AFAP1: variants seen among roughly 807,000 people sequenced by gnomAD.
AFAP1 encodes actin filament associated protein 1.
Under a neutral mutation model 93.9 loss-of-function variants are expected in AFAP1, and 75 were observed. That is an observed-to-expected ratio of 0.80 (90% CI 0.66 to 0.97). AFAP1 has a LOEUF of 0.97. AFAP1 is among the 50% of genes least tolerant of loss of function. AFAP1 has a pLI of 0.00. For missense variants in AFAP1, 1,201 were observed against 1,050.8 expected (o/e 1.14, Z -1.98); for synonymous variants, 517 against 430.7 (o/e 1.20, Z -2.48).
At chr4:7,932,147 A>G (rs6841649) in intron 1 of AFAP1, among the ~76,000 whole-genome samples, 3,752 of 152,010 alleles carry the variant, frequency 0.025, 146 homozygotes, top group African/African-American at 0.084. Flanking sequence ...GTGAGCCACC[A>G]CGCCTGGCCC....
chr4:7,778,857 G>C lies in AFAP1; in HGVS notation c.1802C>G (p.Pro601Arg). ...LNSQLKGKKP[P>R]VASNGVTGKG... ...TCCTGTGACCCCATTAGACGCCACG[G>C]GGGGCTTTTTACCCTTGAGCTGTTG... Residue 601 changes from proline to arginine, a missense_variant, in exon 14 of 18, where the codon CCC (proline) becomes CGC (arginine). Coordinates refer to ENST00000420658, the MANE Select transcript of AFAP1 (RefSeq NM_001134647.2). 1 of 1,613,644 alleles carries C rather than the reference G, an allele frequency of 6.2e-7. No homozygotes were observed. Among genetic ancestry groups the C allele is most frequent in the Admixed American group, 1.7e-5 (1 of 60,020 alleles).
At chr4:7,843,059 T>C in intron 5 of AFAP1, 80 bp downstream of exon 5, 1 of 1,471,294 alleles carries the variant, frequency 6.8e-7, no homozygotes. Flanking sequence ...CAGCTGATGT[T>C]AATGGTGACT....
chr4:7,933,740 A>G (rs918124130), intron 1 of AFAP1, among the ~76,000 whole-genome samples: 5 of 152,168 alleles, frequency 3.3e-5, no homozygotes, highest in African/African-American at 7.2e-5. Context: ...ACAGCCCCCA[A>G]CAGATGGCCA....
rs1278526672 is a variant in AFAP1, at chr4:7,800,328, G to A, written c.1266+114C>T. On this transcript the variant is annotated intron_variant, in intron 10 of 17. Coordinates refer to ENST00000420658, the MANE Select transcript of AFAP1 (RefSeq NM_001134647.2). ...GAGAAAAGAGGGTGGGCCCAAAAGA[G>A]GTACTGTCAGCGAGATGGGAGGAAT... The A allele has an allele frequency of 7.5e-6, 8 of 1,073,082 alleles. No homozygotes were observed. In the South Asian group the frequency reaches 8.6e-5, roughly 12 times the overall value. The allele number at this position is 1,073,082 out of a possible 1,614,324, so 66.5% of individuals were successfully genotyped here.
At chr4:7,897,057 A>G (rs1459924847) in intron 1 of AFAP1, among the ~76,000 whole-genome samples, 1 of 151,602 alleles carries the variant, frequency 6.6e-6, no homozygotes, top group African/African-American at 2.4e-5. Flanking sequence ...TCCTAATTCT[A>G]TCCACTCCCA....
chr4:7,777,333 G>A (rs539704165), intron 14 of AFAP1: 1 of 152,352 alleles, frequency 6.6e-6, no homozygotes, highest in South Asian at 2.1e-4. Context: ...AACCTATCTG[G>A]TCAACACGTA....
chr4:7,802,968 C>T (rs1363767918), intron 9 of AFAP1, among the ~76,000 whole-genome samples: 3 of 152,190 alleles, frequency 2.0e-5, no homozygotes, highest in Non-Finnish European at 2.9e-5. Flanking sequence ...GAAACCTCTA[C>T]TTAAAAAGAG....
intron 6 of AFAP1, among the ~76,000 whole-genome samples, chr4:7,833,521 G>C (rs900850745): frequency 3.3e-5 from 5 of 151,516 alleles, no homozygotes; most frequent in Admixed American, 6.6e-5. Context: ...GGTGAACAGG[G>C]AACACTTCTA....
At chr4:7,811,407 C>T (rs1720022025) in intron 8 of AFAP1, among the ~76,000 whole-genome samples, 1 of 151,520 alleles carries the variant, frequency 6.6e-6, no homozygotes, top group Non-Finnish European at 1.5e-5. Context: ...CCTGGCCTAA[C>T]TCCTAAACCC....
intron 10 of AFAP1, among the ~76,000 whole-genome samples, chr4:7,797,154 G>A (rs1427423920): frequency 6.6e-6 from 1 of 152,122 alleles, no homozygotes; most frequent in African/African-American, 2.4e-5. Flanking sequence ...AAGGAAAATG[G>A]TCTCGCAGTC....
intron 9 of AFAP1, among the ~76,000 whole-genome samples, chr4:7,803,570 C>T (rs1303721996): frequency 6.7e-6 from 1 of 150,102 alleles, no homozygotes; most frequent in Non-Finnish European, 1.5e-5. Flanking sequence ...GACCCAGTCC[C>T]CAAGAGGGCA....
At chr4:7,782,875 GAT>G (rs1269218224) in intron 12 of AFAP1, among the ~76,000 whole-genome samples, 1 of 152,130 alleles carries the variant, frequency 6.6e-6, no homozygotes, top group African/African-American at 2.4e-5. Context: ...GATAAACTCG[GAT>G]ATGAGAGTTT....
intron 3 of AFAP1, among the ~76,000 whole-genome samples, chr4:7,864,406 G>T (rs1327046659): frequency 6.6e-6 from 1 of 152,126 alleles, no homozygotes; most frequent in Non-Finnish European, 1.5e-5. Flanking sequence ...ATAGCGAAAC[G>T]GCCAACTAGC....
At chr4:7,845,676 C>T (rs1429523557) in intron 4 of AFAP1, among the ~76,000 whole-genome samples, 2 of 152,080 alleles carry the variant, frequency 1.3e-5, no homozygotes, top group Non-Finnish European at 2.9e-5. Context: ...ACAGGTGGGT[C>T]GTTCTCACTG....
chr4:7,857,145 A>G (rs1715161808), intron 3 of AFAP1, among the ~76,000 whole-genome samples: 1 of 152,196 alleles, frequency 6.6e-6, no homozygotes, highest in Admixed American at 6.5e-5. Flanking sequence ...AGGTATGTTC[A>G]CAAGGAATGG....
chr4:7,812,382 G>A (rs1720126526), intron 8 of AFAP1, among the ~76,000 whole-genome samples: 1 of 152,064 alleles, frequency 6.6e-6, no homozygotes, highest in South Asian at 2.1e-4. Flanking sequence ...GCTCGACTCT[G>A]ACTGCAAAGA....
chr4:7,765,070 C>T (rs1714366289), intron 17 of AFAP1, among the ~76,000 whole-genome samples: 2 of 152,132 alleles, frequency 1.3e-5, no homozygotes, highest in Admixed American at 1.3e-4. Flanking sequence ...CGCCACTGCA[C>T]TCGAGCGTGG....
At position 7,809,648 on chromosome 4, in the gene AFAP1, C is replaced by G; in HGVS notation, c.1020G>C (p.Gln340His). 1.2e-6 allele frequency: 2 copies of G among 1,614,018 alleles called. No individual in the cohort carries two copies. Among genetic ancestry groups the G allele is most frequent in the Admixed American group, 1.7e-5 (1 of 59,994 alleles). The change falls in exon 9 of 18, where the codon CAG becomes CAC. Residue 340 changes from glutamine to histidine, a missense_variant. By Grantham distance (24) the Gln-to-His change is conservative (BLOSUM62 0). Transcript: ENST00000420658. ...LGKKKPSTDE[Q>H]TSSAEEDVPT... ...GAACATCTTCCTCAGCTGAGGAGGT[C>G]TGCTCGTCTGTGGACGGCTTTTTCT... is the stretch of plus-strand genomic sequence containing the variant.
chr4:7,923,405 G>C (rs1160171880), intron 1 of AFAP1, among the ~76,000 whole-genome samples: 1 of 152,154 alleles, frequency 6.6e-6, no homozygotes, highest in Non-Finnish European at 1.5e-5. Context: ...TCCAGGACAA[G>C]GACCTCTTCC....
Sources: allele counts gnomAD v4.1 joint callset (sites outside exome capture counted in the v4.1 genomes callset), GRCh38; gene constraint gnomAD v4.1.1; transcripts MANE v1.5; gene names NCBI Gene and HGNC (gene_info 2026-07-23, HGNC 2026-07-21).